Variants in PNISR observed in about 807,000 individuals in gnomAD.
The protein encoded by PNISR is PNN interacting serine and arginine rich protein, also known as arginine/serine-rich protein PNISR.
PNISR carries 20 observed loss-of-function variants against 93.4 expected under a neutral mutation model. The ratio of observed to expected loss-of-function variants is 0.21; its 90% CI spans 0.15 to 0.31. The LOEUF (loss-of-function observed/expected upper bound fraction) is 0.31, where lower values mean the gene tolerates loss of function less well. Ranked by LOEUF, PNISR falls within the 10% of genes least tolerant of loss-of-function variation. PNISR has a pLI of 1.00. For synonymous variants in PNISR, 305 were observed against 306.5 expected (o/e 0.99, Z 0.05); for missense variants, 893 against 985.4 (o/e 0.91, Z 1.25).
chr6:99,414,521 C>T, intron 3 of PNISR, 51 bp downstream of exon 3: 1 of 906,292 alleles, frequency 1.1e-6, no homozygotes, highest in Non-Finnish European at 1.8e-6. Context: ...TGTCTTCTAC[C>T]CATTTCCACA....
At chr6:99,409,044 A>C in intron 6 of PNISR, 129 bp downstream of exon 6, 1 of 705,002 alleles carries the variant, frequency 1.4e-6, no homozygotes, top group South Asian at 1.8e-5. Context: ...CTTTATGACC[A>C]TAAAAAATAA....
In PNISR at chr6:99,401,614, T is replaced by C. The variant is rs1775511886; in HGVS notation, c.1344A>G (p.Thr448=). Residue 448 remains threonine (T), a synonymous_variant, in exon 12 of 12, where the codon ACA becomes ACG. Transcript: ENST00000369239. ...CATTCATCTCTTTTGTAACCCTTTC[T>C]GTTTGCTGCTTTTCTTCTGAAACAG... is the stretch of plus-strand genomic sequence containing the variant. ...DKQMEEEKQQ[T]ERVTKEMNEF... 4 of 1,540,248 alleles carry C rather than the reference T, an allele frequency of 2.6e-6. No homozygotes were observed. The highest frequency in any genetic ancestry group is 3.5e-6 in the Non-Finnish European group (4 of 1,148,898).
At position 99,401,554 on chromosome 6, in the gene PNISR, T is replaced by C. The variant is rs755856519; in HGVS notation, c.1404A>G (p.Leu468=). The C allele has an allele frequency of 1.2e-6, 2 of 1,605,034 alleles. No individual in the cohort carries two copies. Among genetic ancestry groups the C allele is most frequent in the Non-Finnish European group, 1.7e-6 (2 of 1,177,800 alleles). The change falls in exon 12 of 12, where the codon CTA becomes CTG. Residue 468 remains leucine, a synonymous_variant. Transcript: ENST00000369239. ...FIHKEQNSLS[L]LEAREADGDV... is the part of the protein sequence containing the mutation. ...CACCGTCTGCTTCTCTTGCTTCTAG[T>C]AGTGATAAACTATTTTGCTCTTTAT...
At position 99,404,643 on chromosome 6, in the gene PNISR, A is replaced by T. The variant is rs751453063; in HGVS notation, c.1062T>A (p.Ile354=). 1 of 1,608,136 alleles carries T rather than the reference A, an allele frequency of 6.2e-7. No individual in the cohort carries two copies. Among genetic ancestry groups the T allele is most frequent in the African/African-American group, 1.3e-5 (1 of 74,816 alleles). The change falls in exon 9 of 12, where the codon ATT becomes ATA. Residue 354 remains isoleucine (I), a synonymous_variant. Coordinates refer to ENST00000369239, the MANE Select transcript of PNISR (RefSeq NM_032870.4). ...GGTGTGCATCTTTGGCTACGTAATA[A>T]ATTTCTTCATCTGTGACATCCAGCA... ...EILLDVTDEE[I]YYVAKDAHRK...
chr6:99,408,872 T>C (rs143373554), intron 6 of PNISR, among the ~76,000 whole-genome samples: 44 of 152,308 alleles, frequency 2.9e-4, no homozygotes, highest in African/African-American at 9.9e-4. Flanking sequence ...GGCTCATATA[T>C]CTGTATAATG....
intron 5 of PNISR, chr6:99,410,490 C>A: frequency 2.2e-6 from 1 of 460,374 alleles, no homozygotes. Context: ...ATAGCTATTG[C>A]ACTTATACAT....
In PNISR at chr6:99,400,825, T is replaced by A. The variant is rs138292279; in HGVS notation, c.2133A>T (p.Leu711Phe). The change falls in exon 12 of 12, where the codon TTA (leucine) becomes TTT (phenylalanine). Residue 711 changes from leucine (L) to phenylalanine (F), a missense_variant. Leu to Phe is a conservative substitution (Grantham distance 22). This residue lies in a region of PNISR where 866 missense variants were observed against 935.1 expected (regional missense o/e 0.93). Transcript: ENST00000369239. ...DFKFSSQDDRLKRKRESERTF... is the reference protein window; with the variant it reads ...DFKFSSQDDRFKRKRESERTF... Reference sequence around the variant, plus strand: ...TTCTTTCACTTTCTCGTTTCCTTTTTAATCTATCATCCTGACTACTGAACT... The same window carrying A: ...TTCTTTCACTTTCTCGTTTCCTTTTAAATCTATCATCCTGACTACTGAACT... 99 of 1,611,962 alleles carry A rather than the reference T, an allele frequency of 6.1e-5. No homozygotes were observed. In the African/African-American group the frequency reaches 1.0e-3, roughly 16 times the overall value.
Position 99,412,620 on chromosome 6 carries a change from T to C in PNISR, c.208A>G (p.Met70Val), listed in dbSNP as rs747688538. 1.7e-5 allele frequency: 28 copies of C among 1,612,136 alleles called. No individual in the cohort carries two copies. The highest frequency in any genetic ancestry group is 2.3e-5 in the Non-Finnish European group (27 of 1,178,990). The change falls in exon 4 of 12, where the codon ATG becomes GTG. Residue 70 changes from methionine (M) to valine (V), a missense_variant. Physicochemically the swap from Met to Val is conservative, Grantham distance 21. Coordinates refer to ENST00000369239, the MANE Select transcript of PNISR (RefSeq NM_032870.4). ...MMPNGQDMSTMESGPNNHGNF... is the reference protein window; with the variant it reads ...MMPNGQDMSTVESGPNNHGNF... Reference sequence around the variant, plus strand: ...CCATGATTGTTTGGACCAGATTCCATTGTAGACATATCTTGTCCATTTGGC... The same window carrying C: ...CCATGATTGTTTGGACCAGATTCCACTGTAGACATATCTTGTCCATTTGGC...
rs1325945277 is a variant in PNISR at position 99,398,844 on chromosome 6, C to CGATGTCTAAACTATATA, written c.*1679_*1695dup. 2 of 151,976 alleles carry CGATGTCTAAACTATATA rather than the reference C, an allele frequency of 1.3e-5. No homozygotes were observed. The highest frequency in any genetic ancestry group is 4.8e-5 in the African/African-American group (2 of 41,412). 9.4% of individuals were successfully genotyped at this position (151,976 alleles called of 1,614,324 possible). ...ATTTTATTTTGTCTCCAGATGTGAT[C>CGATGTCTAAACTATATA]GATGTCTAAACTATATAGAATTTCA... On this transcript the variant is annotated 3_prime_UTR_variant, in exon 12 of 12. Coordinates refer to ENST00000369239, the MANE Select transcript of PNISR (RefSeq NM_032870.4).
chr6:99,403,948 G>A (rs1775830350), intron 9 of PNISR, 66 bp from the exon 10 acceptor site: 5 of 1,126,130 alleles, frequency 4.4e-6, no homozygotes. Flanking sequence ...ATAGTCATGA[G>A]TCTATGGTAT....
At position 99,414,680 on chromosome 6, in the gene PNISR, T is replaced by C. The variant is rs777117544; in HGVS notation, c.-21A>G. 1 of 1,475,012 alleles carries C rather than the reference T, an allele frequency of 6.8e-7. No individual in the cohort carries two copies. Among genetic ancestry groups the C allele is most frequent in the Admixed American group, 1.8e-5 (1 of 54,474 alleles). 91.4% of individuals were successfully genotyped at this position (1,475,012 alleles called of 1,614,324 possible). A position where few individuals can be genotyped will look rare whatever the true frequency, so the allele number is the denominator to read the frequency against. On this transcript the variant is annotated 5_prime_UTR_variant, in exon 3 of 12. Transcript: ENST00000369239. The stretch of plus-strand genomic sequence containing the variant: ...CACATCCCTTCTTTTAAAATATACT[T>C]GATTTTCTATCTTCAATAAATTAAA...
intron 4 of PNISR, 27 bp from the exon 5 acceptor site, chr6:99,410,991 T>C: frequency 6.6e-7 from 1 of 1,517,788 alleles, no homozygotes; most frequent in Non-Finnish European, 9.1e-7. Flanking sequence ...CATAAAAACA[T>C]TCAACAGGCG....
At chr6:99,404,786 C>G in intron 8 of PNISR, 84 bp from the exon 9 acceptor site, 1 of 728,302 alleles carries the variant, frequency 1.4e-6, no homozygotes, top group Non-Finnish European at 2.3e-6. Flanking sequence ...AAATGCAAAG[C>G]CATTTTTTTT....
intron 9 of PNISR, 76 bp downstream of exon 9, chr6:99,404,527 C>T: frequency 3.8e-6 from 3 of 788,246 alleles, no homozygotes; most frequent in Non-Finnish European, 7.0e-6. Flanking sequence ...CCAACAAGGA[C>T]AACAAAAAAA....
chr6:99,418,079 A>G (rs1777967659), intron 1 of PNISR, among the ~76,000 whole-genome samples: 1 of 151,790 alleles, frequency 6.6e-6, no homozygotes, highest in South Asian at 2.1e-4. Context: ...TCTTTGAAAG[A>G]ATTCTTTAGT....
chr6:99,409,321 C>A lies in PNISR; in HGVS notation c.525G>T (p.Pro175=), dbSNP rs375882711. The A allele has an allele frequency of 4.3e-6, 7 of 1,613,492 alleles. No individual in the cohort carries two copies. The African/African-American group carries it at 6.7e-5, about 15-fold the overall frequency. Residue 175 remains proline (P), a synonymous_variant, in exon 6 of 12, where the codon CCG becomes CCT. Coordinates refer to ENST00000369239, the MANE Select transcript of PNISR (RefSeq NM_032870.4). ...DYQHGAAFGP[P]QGGFHPPYWQ... Reference sequence around the variant, plus strand: ...AATAAGGAGGATGAAATCCACCTTGCGGTGGACCAAAAGCAGCCCCATGCT... The same window carrying A: ...AATAAGGAGGATGAAATCCACCTTGAGGTGGACCAAAAGCAGCCCCATGCT...
chr6:99,418,758 T>G (rs1347486244), intron 1 of PNISR, among the ~76,000 whole-genome samples: 1 of 152,206 alleles, frequency 6.6e-6, no homozygotes, highest in African/African-American at 2.4e-5. Flanking sequence ...ATTAAAGCGC[T>G]TTAATTAAGT....
At chr6:99,417,866 G>A (rs1170331300) in intron 1 of PNISR, among the ~76,000 whole-genome samples, 1 of 151,102 alleles carries the variant, frequency 6.6e-6, no homozygotes, top group Non-Finnish European at 1.5e-5. Flanking sequence ...TACTTGGGAG[G>A]CTGAGACAGG....
At chr6:99,418,077 A>T (rs1451264637) in intron 1 of PNISR, among the ~76,000 whole-genome samples, 1 of 151,894 alleles carries the variant, frequency 6.6e-6, no homozygotes, top group Non-Finnish European at 1.5e-5. Flanking sequence ...TATCTTTGAA[A>T]GAATTCTTTA....
Sources: allele counts gnomAD v4.1 joint callset (sites outside exome capture counted in the v4.1 genomes callset), GRCh38; gene constraint gnomAD v4.1.1; regional missense constraint gnomAD v4.1.1; transcripts MANE v1.5; gene names NCBI Gene and HGNC (gene_info 2026-07-23, HGNC 2026-07-21).